The following RFTN1 variants were observed in gnomAD, a reference collection of about 807,000 sequenced individuals.
RFTN1 encodes raftlin.
RFTN1 carries 26 observed loss-of-function variants against 46.5 expected under a neutral mutation model. That is an observed-to-expected ratio of 0.56 (90% CI 0.41 to 0.78). The LOEUF is 0.78. RFTN1 is among the 30% of genes least tolerant of loss of function. RFTN1 has a pLI of 0.00. For missense variants in RFTN1, 693 were observed against 718.7 expected, an observed-to-expected ratio of 0.96 and a Z score of 0.41; for synonymous variants, 261 against 284.2, an observed-to-expected ratio of 0.92 and a Z score of 0.82.
chr3:16,404,172 C>T (rs1171831859), intron 4 of RFTN1, among the ~76,000 whole-genome samples: 7 of 22,552 alleles, frequency 3.1e-4, no homozygotes, highest in Admixed American at 7.5e-4. Context: ...ATATAATATA[C>T]ATTTTATATA....
rs2075311525 is a variant in RFTN1, at chr3:16,427,746, T to A, written c.332+6105A>T. 6.6e-6 allele frequency among the ~76,000 whole-genome samples: 1 copy of A among 152,184 alleles called. No homozygotes were observed. The highest frequency in any genetic ancestry group is 1.9e-4 in the East Asian group (1 of 5,188). The stretch of plus-strand genomic sequence containing the variant: ...AGTGGGCCCTGGCCTGAGGGGCTCA[T>A]TACAGCACCACACACAGCCTCCTCC... On this transcript the variant is annotated intron_variant, in intron 3 of 9. Transcript: ENST00000334133. This position sits in a 1 kb window ranked among gnomAD's most constrained non-coding sequence, Gnocchi z 5.4.
intron 7 of RFTN1, among the ~76,000 whole-genome samples, chr3:16,354,886 G>C (rs920526902): frequency 6.6e-6 from 1 of 152,054 alleles, no homozygotes; most frequent in Non-Finnish European, 1.5e-5. Flanking sequence ...GTCCCTCTTT[G>C]GTTCTGCCTT....
In RFTN1 at chr3:16,316,703, A is replaced by G; in HGVS notation, c.*125T>C. ...GGAGGGCTCAGGTGAGCTCACAAGG[A>G]GAGGTCAAGCCAAGCCAAAGGGTAG... On this transcript the variant is annotated 3_prime_UTR_variant, in exon 10 of 10. Transcript: ENST00000334133. This position sits in a 1 kb window ranked among gnomAD's most constrained non-coding sequence, Gnocchi z 4.5. 1 of 1,125,946 alleles carries G rather than the reference A, an allele frequency of 8.9e-7. No homozygotes were observed. The highest frequency in any genetic ancestry group is 1.3e-6 in the Non-Finnish European group (1 of 761,750). 69.7% of individuals were successfully genotyped at this position (1,125,946 alleles called of 1,614,324 possible). A position where few individuals can be genotyped will look rare whatever the true frequency, so the allele number is the denominator to read the frequency against.
intron 3 of RFTN1, among the ~76,000 whole-genome samples, chr3:16,411,319 C>T (rs1457390624): frequency 6.6e-6 from 1 of 152,126 alleles, no homozygotes; most frequent in Non-Finnish European, 1.5e-5. Flanking sequence ...ATTTCTGCTA[C>T]CATTAACCAT....
At chr3:16,333,469 GTATC>G (rs60115446) in intron 7 of RFTN1, among the ~76,000 whole-genome samples, 13,364 of 152,162 alleles carry the variant, frequency 0.088, 992 homozygotes, top group African/African-American at 0.21. Flanking sequence ...AGAATTGCCT[GTATC>G]TATCTAATTA....
chr3:16,331,491 C>T lies in RFTN1; in HGVS notation c.1147-4615G>A, dbSNP rs553803546. On this transcript the variant is annotated intron_variant, in intron 7 of 9. Transcript: ENST00000334133. Reference sequence around the variant, plus strand: ...AAATAATGCACTATGACCATGCCTTCTTTTTTATATAACCCTCTGTTTTTC... The same window carrying T: ...AAATAATGCACTATGACCATGCCTTTTTTTTTATATAACCCTCTGTTTTTC... Among the ~76,000 whole-genome samples the T allele has an allele frequency of 1.1e-4, 16 of 152,236 alleles. No homozygotes were observed. In the East Asian group the frequency reaches 3.1e-3, roughly 29 times the overall value.
In RFTN1 at chr3:16,370,355, G is replaced by A; in HGVS notation, c.827-76C>T. The stretch of plus-strand genomic sequence containing the variant: ...AAAATCTGTTTCATCGGCTTAAGTG[G>A]AATCTCTCAGGAGCCTGAATAAATG... On this transcript the variant is annotated intron_variant, in intron 5 of 9. Transcript: ENST00000334133. The surrounding 1 kb of genome is among the most constrained non-coding windows in gnomAD (Gnocchi z 5.5). 1 of 1,320,852 alleles carries A rather than the reference G, an allele frequency of 7.6e-7. No homozygotes were observed. The allele number at this position is 1,320,852 out of a possible 1,614,324, so 81.8% of individuals were successfully genotyped here.
In RFTN1 at chr3:16,341,591, T is replaced by A. The variant is rs1208451084; in HGVS notation, c.1147-14715A>T. 6.6e-6 allele frequency among the ~76,000 whole-genome samples: 1 copy of A among 152,172 alleles called. No homozygotes were observed. Among genetic ancestry groups the A allele is most frequent in the Non-Finnish European group, 1.5e-5 (1 of 68,032 alleles). ...CTGTAGATTCAGTTCAGTTTTGCTATGAACCTAAAACTACTCTAAAATATA... is the reference window on the plus strand; with the variant it reads ...CTGTAGATTCAGTTCAGTTTTGCTAAGAACCTAAAACTACTCTAAAATATA... On this transcript the variant is annotated intron_variant, in intron 7 of 9. Transcript: ENST00000334133. This position sits in a 1 kb window ranked among gnomAD's most constrained non-coding sequence, Gnocchi z 4.7.
chr3:16,378,879 G>A (rs557921468), intron 4 of RFTN1, among the ~76,000 whole-genome samples: 27 of 152,292 alleles, frequency 1.8e-4, no homozygotes, highest in African/African-American at 5.5e-4. Context: ...CTGCAGTACC[G>A]AGGTACTTGA....
rs111630362 is a variant in RFTN1 at position 16,496,893 on chromosome 3, C to T, written c.-8-3016G>A. On this transcript the variant is annotated intron_variant, in intron 1 of 9. Transcript: ENST00000334133. ...CACACAATGAAATATTATAAAGCAA[C>T]GAAAACATGGAACCTAGGATTACAC... is the stretch of plus-strand genomic sequence containing the variant. Among the ~76,000 whole-genome samples the T allele has an allele frequency of 3.1e-3, 467 of 152,138 alleles. 3 individuals carry two copies. The highest frequency in any genetic ancestry group is 6.1e-3 in the Admixed American group (93 of 15,298).
chr3:16,359,792 AG>A (rs1367047108), intron 6 of RFTN1, among the ~76,000 whole-genome samples: 5 of 152,218 alleles, frequency 3.3e-5, no homozygotes, highest in Admixed American at 1.3e-4. Context: ...AATTTTTAAT[AG>A]GGCAAATCCA....
At chr3:16,431,444 C>T (rs2075385338) in intron 3 of RFTN1, among the ~76,000 whole-genome samples, 1 of 152,086 alleles carries the variant, frequency 6.6e-6, no homozygotes, top group Non-Finnish European at 1.5e-5. Flanking sequence ...TTAACCATAT[C>T]CCCAGGAGAC....
chr3:16,316,769 G>A lies in RFTN1; in HGVS notation c.*59C>T, dbSNP rs1170128177. On this transcript the variant is annotated 3_prime_UTR_variant, in exon 10 of 10. Coordinates refer to ENST00000334133, the MANE Select transcript of RFTN1 (RefSeq NM_015150.2). This position sits in a 1 kb window ranked among gnomAD's most constrained non-coding sequence, Gnocchi z 4.5. ...AGGGAAACCAGCCCCCAAACCAGCT[G>A]TTGGTAAGATGCCTTGGGTTTGGCA... 10 of 1,600,728 alleles carry A rather than the reference G, an allele frequency of 6.2e-6. No homozygotes were observed. Among genetic ancestry groups the A allele is most frequent in the African/African-American group, 1.3e-5 (1 of 74,562 alleles).
At chr3:16,438,540 G>A (rs896553436) in intron 2 of RFTN1, among the ~76,000 whole-genome samples, 4 of 121,380 alleles carry the variant, frequency 3.3e-5, no homozygotes, top group Non-Finnish European at 6.3e-5. Flanking sequence ...AGCTGAAATC[G>A]TGCCACTGCA....
chr3:16,413,129 A>C lies in RFTN1; in HGVS notation c.333-3646T>G, dbSNP rs921266799. On this transcript the variant is annotated intron_variant, in intron 3 of 9. Coordinates refer to ENST00000334133, the MANE Select transcript of RFTN1 (RefSeq NM_015150.2). The surrounding 1 kb of genome is among the most constrained non-coding windows in gnomAD (Gnocchi z 4.7). ...TACCAAAAAAAGAAAACAGAAAACT[A>C]ACACAGTTCCTGAGGAGGAAGACAT... is the stretch of plus-strand genomic sequence containing the variant. Among the ~76,000 whole-genome samples the C allele has an allele frequency of 6.6e-5, 10 of 152,260 alleles. No homozygotes were observed. The highest frequency in any genetic ancestry group is 2.4e-5 in the African/African-American group (1 of 41,468).
rs746792257 is a variant in RFTN1, at chr3:16,316,851, GCTCT to G, written c.1710_1713del (p.Arg570SerfsTer19). On this transcript the variant is annotated frameshift_variant, in exon 10 of 10. Transcript: ENST00000334133. LOFTEE classifies it high-confidence loss of function. The surrounding 1 kb of genome is among the most constrained non-coding windows in gnomAD (Gnocchi z 4.5). ...ACTCAGTTTTCTTCAACCGTACCAA[GCTCT>G]CTGACTTCCTCAGCATCCCCGTCCC... The G allele has an allele frequency of 1.2e-6, 2 of 1,614,092 alleles. No homozygotes were observed. The highest frequency in any genetic ancestry group is 2.2e-5 in the South Asian group (2 of 91,088).
rs916688520 is a variant in RFTN1 at position 16,418,764 on chromosome 3, C to A, written c.333-9281G>T. On this transcript the variant is annotated intron_variant, in intron 3 of 9. Coordinates refer to ENST00000334133, the MANE Select transcript of RFTN1 (RefSeq NM_015150.2). The surrounding 1 kb of genome is among the most constrained non-coding windows in gnomAD (Gnocchi z 5.0). Reference sequence around the variant, plus strand: ...TCAATGAAAGAAAAAGAAAGCTATTCCTAGTTTCATTAACTTACGTATAAC... The same window carrying A: ...TCAATGAAAGAAAAAGAAAGCTATTACTAGTTTCATTAACTTACGTATAAC... Among the ~76,000 whole-genome samples, 2 of 151,996 alleles carry A rather than the reference C, an allele frequency of 1.3e-5. No homozygotes were observed. Among genetic ancestry groups the A allele is most frequent in the East Asian group, 3.9e-4 (2 of 5,184 alleles).
rs563814465 is a variant in RFTN1, at chr3:16,498,644, A to C, written c.-8-4767T>G. On this transcript the variant is annotated intron_variant, in intron 1 of 9. Transcript: ENST00000334133. The surrounding 1 kb of genome is among the most constrained non-coding windows in gnomAD (Gnocchi z 5.2). ...CAGCCCTCTTTGGAAAGGGAGACAC[A>C]GGAAGTAGTTGCTGGCCATCAAAAC... is the stretch of plus-strand genomic sequence containing the variant. Among the ~76,000 whole-genome samples, 6 of 152,188 alleles carry C rather than the reference A, an allele frequency of 3.9e-5. No individual in the cohort carries two copies. The highest frequency in any genetic ancestry group is 5.9e-5 in the Non-Finnish European group (4 of 68,030).
chr3:16,390,372 T>G (rs1210957506), intron 4 of RFTN1, among the ~76,000 whole-genome samples: 2 of 152,052 alleles, frequency 1.3e-5, no homozygotes, highest in Non-Finnish European at 2.9e-5. Flanking sequence ...TCTGAAGGAG[T>G]GAGCCTTCAG....
Sources: allele counts gnomAD v4.1 joint callset (sites outside exome capture counted in the v4.1 genomes callset), GRCh38; gene constraint gnomAD v4.1.1; non-coding constraint Gnocchi (gnomAD v3.1); transcripts MANE v1.5; gene names NCBI Gene and HGNC (gene_info 2026-07-23, HGNC 2026-07-21).